Variants in ZAP70 observed in about 807,000 individuals in gnomAD.
ZAP70 encodes tyrosine-protein kinase ZAP-70.
ZAP70 carries 27 observed loss-of-function variants against 65.8 expected under a neutral mutation model. The ratio of observed to expected loss-of-function variants is 0.41; its 90% CI spans 0.30 to 0.57. The LOEUF is 0.57. ZAP70 is among the 20% of genes least tolerant of loss of function. The pLI is 0.28. For synonymous variants in ZAP70, 363 were observed against 360.8 expected (o/e 1.01, Z -0.07); for missense variants, 696 against 870.5 (o/e 0.80, Z 2.52).
chr2:97,740,216 C>G (rs542258154), downstream of ZAP70, among the ~76,000 whole-genome samples: 11 of 152,292 alleles, frequency 7.2e-5, no homozygotes, highest in Admixed American at 3.9e-4. Flanking sequence ...CTTCACCCCC[C>G]CAGGGGTGCC....
At chr2:97,740,736 T>G (rs548156171), downstream of ZAP70, among the ~76,000 whole-genome samples, 8 of 152,298 alleles carry the variant, frequency 5.3e-5, no homozygotes, top group East Asian at 1.5e-3. Context: ...AATCCCGCCC[T>G]CACTGCCTGC....
chr2:97,748,770 T>G, the ZAP70 span, among the ~76,000 whole-genome samples: 2 of 152,152 alleles, frequency 1.3e-5, 1 homozygote, highest in East Asian at 3.9e-4. Flanking sequence ...AGACACTGGA[T>G]TCTAATTTTA....
chr2:97,713,655 G>A lies in ZAP70; in HGVS notation c.-120G>A, dbSNP rs1676794358. 1 of 152,456 alleles carries A rather than the reference G, an allele frequency of 6.6e-6. No homozygotes were observed. Among genetic ancestry groups the A allele is most frequent in the Admixed American group, 6.5e-5 (1 of 15,306 alleles). 9.4% of individuals were successfully genotyped at this position (152,456 alleles called of 1,614,324 possible). Reference sequence around the variant, plus strand: ...GGCCTGGCCCACCGTGGGCCTCAGAGCTGCTGCTGGGGCATTCAGGTAAGC... The same window carrying A: ...GGCCTGGCCCACCGTGGGCCTCAGAACTGCTGCTGGGGCATTCAGGTAAGC... On this transcript the variant is annotated 5_prime_UTR_variant, in exon 1 of 14. Transcript: ENST00000264972.
chr2:97,721,758 G>A (rs1294987478), intron 2 of ZAP70, among the ~76,000 whole-genome samples: 2 of 150,324 alleles, frequency 1.3e-5, no homozygotes, highest in African/African-American at 2.4e-5. Flanking sequence ...ATTTGGTGGT[G>A]CCACATATTT....
chr2:97,737,386 T>A lies in ZAP70; in HGVS notation c.1290-87T>A. On this transcript the variant is annotated intron_variant, in intron 10 of 13. Coordinates refer to ENST00000264972, the MANE Select transcript of ZAP70 (RefSeq NM_001079.4). This position sits in a 1 kb window ranked among gnomAD's most constrained non-coding sequence, Gnocchi z 5.0. ...TTTGAACACATGGTCACCTGGCTCA[T>A]GCCCAGCTGGGTCAGAGAAGCATGC... is the stretch of plus-strand genomic sequence containing the variant. 6.9e-7 allele frequency: 1 copy of A among 1,454,424 alleles called. No homozygotes were observed. Among genetic ancestry groups the A allele is most frequent in the Non-Finnish European group, 9.6e-7 (1 of 1,040,192 alleles). The allele number at this position is 1,454,424 out of a possible 1,614,324, so 90.1% of individuals were successfully genotyped here.
At chr2:97,741,656 A>T (rs1165366280), downstream of ZAP70, among the ~76,000 whole-genome samples, 1 of 152,256 alleles carries the variant, frequency 6.6e-6, no homozygotes, top group Non-Finnish European at 1.5e-5. Flanking sequence ...TGTGATGGGC[A>T]GCTCATCCAT....
At chr2:97,753,693 T>TG in the ZAP70 span, among the ~76,000 whole-genome samples, 3 of 152,194 alleles carry the variant, frequency 2.0e-5, no homozygotes, top group Non-Finnish European at 4.4e-5. Flanking sequence ...ATAAGATACC[T>TG]GGGCATAGCA....
At chr2:97,753,828 A>G in the ZAP70 span, among the ~76,000 whole-genome samples, 408 of 152,166 alleles carry the variant, frequency 2.7e-3, 1 homozygote, top group Non-Finnish European at 4.2e-3. Context: ...AAAATAAAAA[A>G]ATAAAAAAAA....
chr2:97,739,228 C>T, intron 13 of ZAP70, 147 bp from the exon 14 acceptor site: 5 of 1,284,700 alleles, frequency 3.9e-6, no homozygotes, highest in Non-Finnish European at 5.3e-6. Context: ...TCCTCTCCAC[C>T]ACCCAATGTC....
chr2:97,746,634 T>C, the ZAP70 span, among the ~76,000 whole-genome samples: 1 of 152,324 alleles, frequency 6.6e-6, no homozygotes, highest in Admixed American at 6.5e-5. Flanking sequence ...ATTTCTGTTG[T>C]TGATGAATTA....
intron 2 of ZAP70, among the ~76,000 whole-genome samples, chr2:97,717,469 TGAGCCTCTGGCTGGGGGGACACGTG>T (rs1350871622): frequency 2.8e-3 from 413 of 144,942 alleles, no homozygotes; most frequent in African/African-American, 9.1e-3. Context: ...GAGGAGCCTC[TGAGCCTCTGGCTGGGGGGACACGTG>T]GAGCCTCTGG....
rs921796161 is a variant in ZAP70, at chr2:97,735,300, C to G, written c.1133C>G (p.Ala378Gly). 1 of 1,614,126 alleles carries G rather than the reference C, an allele frequency of 6.2e-7. No homozygotes were observed. Among genetic ancestry groups the G allele is most frequent in the Admixed American group, 1.7e-5 (1 of 60,034 alleles). ...GTGCTGAAGCAGGGCACGGAGAAGG[C>G]AGACACGGAAGAGATGATGCGCGAG... ...IKVLKQGTEK[A>G]DTEEMMREAQ... The change falls in exon 10 of 14, where the codon GCA becomes GGA. Residue 378 changes from alanine to glycine, a missense_variant. Ala to Gly is a moderately conservative substitution (Grantham distance 60, BLOSUM62 0). Around this residue, in one of 3 missense-constraint regions of ZAP70, gnomAD observed 551 missense variants for 630.0 expected, o/e 0.87. Coordinates refer to ENST00000264972, the MANE Select transcript of ZAP70 (RefSeq NM_001079.4).
chr2:97,735,827 C>T (rs912334189), intron 10 of ZAP70, among the ~76,000 whole-genome samples: 2 of 152,148 alleles, frequency 1.3e-5, no homozygotes, highest in African/African-American at 4.8e-5. Flanking sequence ...TCCTGGCCAA[C>T]ATGGTGAAAC....
chr2:97,755,838 C>A, the ZAP70 span, among the ~76,000 whole-genome samples: 1 of 152,188 alleles, frequency 6.6e-6, no homozygotes, highest in Non-Finnish European at 1.5e-5. Flanking sequence ...TTAGAACATG[C>A]AGTGGTGAGT....
At chr2:97,753,961 G>A in the ZAP70 span, among the ~76,000 whole-genome samples, 9 of 152,236 alleles carry the variant, frequency 5.9e-5, no homozygotes, top group Non-Finnish European at 1.3e-4. Context: ...CTGCACTTCA[G>A]CCTGGGCGAC....
rs1001220096 is a variant in ZAP70, at chr2:97,734,365, G to A, written c.890-155G>A. ...GCCAGGAGTGTATGCCAGTGTGTGCGTGTGGATGTGCAGGAACACGCATGG... is the reference window on the plus strand; with the variant it reads ...GCCAGGAGTGTATGCCAGTGTGTGCATGTGGATGTGCAGGAACACGCATGG... On this transcript the variant is annotated intron_variant, in intron 8 of 13. Transcript: ENST00000264972. The A allele has an allele frequency of 2.8e-5, 41 of 1,439,568 alleles. 1 individual carries two copies. In the South Asian group the frequency reaches 4.0e-4, roughly 14 times the overall value. The allele number at this position is 1,439,568 out of a possible 1,614,324, so 89.2% of individuals were successfully genotyped here. A position where few individuals can be genotyped will look rare whatever the true frequency, so the allele number is the denominator to read the frequency against.
intron 3 of ZAP70, 158 bp downstream of exon 3, chr2:97,724,596 AG>A: frequency 6.5e-7 from 1 of 1,533,954 alleles, no homozygotes; most frequent in Non-Finnish European, 8.7e-7. Context: ...AGAACCTGAA[AG>A]GAGGCCTCAG....
intron 8 of ZAP70, chr2:97,734,298 G>C: frequency 3.0e-6 from 4 of 1,339,770 alleles, no homozygotes; most frequent in Non-Finnish European, 3.9e-6. Flanking sequence ...CACGCCCCTA[G>C]AGTCCACCCT....
Position 97,733,217 on chromosome 2 carries a change from C to T in ZAP70, c.790+5C>T, listed in dbSNP as rs56133341. On this transcript the variant is annotated splice_donor_5th_base_variant and intron_variant, in intron 6 of 13. Transcript: ENST00000264972. ...GCAGTGCCAGCAACGCCTCAGGTGA[C>T]GGCAGCAGGCGGGCGGGCGGTGGGC... is the stretch of plus-strand genomic sequence containing the variant. 4.8e-5 allele frequency: 78 copies of T among 1,612,496 alleles called. 1 individual carries two copies. Among genetic ancestry groups the T allele is most frequent in the African/African-American group, 3.2e-4 (24 of 75,032 alleles).
Sources: allele counts gnomAD v4.1 joint callset (sites outside exome capture counted in the v4.1 genomes callset), GRCh38; gene constraint gnomAD v4.1.1; regional missense constraint gnomAD v4.1.1; non-coding constraint Gnocchi (gnomAD v3.1); transcripts MANE v1.5; gene names NCBI Gene and HGNC (gene_info 2026-07-23, HGNC 2026-07-21).